Variants in NSUN6 observed in about 807,000 individuals in gnomAD.
NSUN6 encodes tRNA (cytosine(72)-C(5))-methyltransferase NSUN6.
NSUN6 carries 64 observed loss-of-function variants against 58.0 expected under a neutral mutation model. The observed-to-expected ratio is 1.10, with a 90% CI of 0.90 to 1.36. The LOEUF (loss-of-function observed/expected upper bound fraction) is 1.36, where lower values mean the gene tolerates loss of function less well. NSUN6 is among the 40% of genes most tolerant of loss of function. The probability of loss-of-function intolerance (pLI) is 0.00; values close to 1 mark genes in which losing one functional copy is unlikely to be tolerated. For missense variants in NSUN6, 701 were observed against 550.1 expected (o/e 1.27, Z -2.74); for synonymous variants, 231 against 193.9 (o/e 1.19, Z -1.59).
At chr10:18,643,923 G>T (rs866433515) in intron 2 of NSUN6, among the ~76,000 whole-genome samples, 1 of 152,092 alleles carries the variant, frequency 6.6e-6, no homozygotes, top group Non-Finnish European at 1.5e-5. Flanking sequence ...AACCACACAT[G>T]TACATACCCT....
chr10:18,574,087 A>G (rs1013296726), intron 8 of NSUN6, among the ~76,000 whole-genome samples: 10 of 152,034 alleles, frequency 6.6e-5, no homozygotes, highest in African/African-American at 2.4e-4. Context: ...TGGACAGTGG[A>G]GTAGCTTTAG....
At position 18,598,092 on chromosome 10, in the gene NSUN6, C is replaced by T. The variant is rs370247976; in HGVS notation, c.658-1765G>A. On this transcript the variant is annotated intron_variant, in intron 6 of 10. Coordinates refer to ENST00000377304, the MANE Select transcript of NSUN6 (RefSeq NM_182543.5). The stretch of plus-strand genomic sequence containing the variant: ...TTAGCTTTAACTGATGACATTCCAC[C>T]ATTGTGATTTGTTTCTGCCCCACTC... Among the ~76,000 whole-genome samples, 3 of 152,166 alleles carry T rather than the reference C, an allele frequency of 2.0e-5. No individual in the cohort carries two copies. In the East Asian group the frequency reaches 5.8e-4, roughly 29 times the overall value.
At chr10:18,635,011 A>G (rs552357434) in intron 3 of NSUN6, among the ~76,000 whole-genome samples, 7 of 152,294 alleles carry the variant, frequency 4.6e-5, no homozygotes, top group Non-Finnish European at 1.0e-4. Flanking sequence ...CACAATTCCT[A>G]AACTCTGTAC....
intron 2 of NSUN6, among the ~76,000 whole-genome samples, chr10:18,644,453 G>C (rs929717056): frequency 6.6e-6 from 1 of 151,238 alleles, no homozygotes; most frequent in Non-Finnish European, 1.5e-5. Flanking sequence ...CTACTGTGCT[G>C]CTTAGTTACC....
intron 3 of NSUN6, among the ~76,000 whole-genome samples, chr10:18,630,153 T>C (rs1322360436): frequency 6.6e-5 from 9 of 136,164 alleles, no homozygotes; most frequent in Non-Finnish European, 1.3e-4. Flanking sequence ...CCTGAATGAC[T>C]ACTGGGTACA....
chr10:18,646,962 T>C (rs1385473537), intron 2 of NSUN6, among the ~76,000 whole-genome samples: 1 of 152,210 alleles, frequency 6.6e-6, no homozygotes, highest in Non-Finnish European at 1.5e-5. Flanking sequence ...TTAGGGCAAC[T>C]ACTTATGTTT....
chr10:18,642,491 G>T lies in NSUN6; in HGVS notation c.296C>A (p.Pro99His). The T allele has an allele frequency of 6.6e-7, 1 of 1,526,144 alleles. No homozygotes were observed. Among genetic ancestry groups the T allele is most frequent in the Non-Finnish European group, 9.1e-7 (1 of 1,101,622 alleles). 94.5% of individuals were successfully genotyped at this position (1,526,144 alleles called of 1,614,324 possible). The change falls in exon 3 of 11, where the codon CCT becomes CAT. Residue 99 changes from proline (P) to histidine (H), a missense_variant. Coordinates refer to ENST00000377304, the MANE Select transcript of NSUN6 (RefSeq NM_182543.5). ...TCTTACAAACCTGGGTCCAATAACAGGAATAAGTAACACATCTTGAAGGTC... is the reference window on the plus strand; with the variant it reads ...TCTTACAAACCTGGGTCCAATAACATGAATAAGTAACACATCTTGAAGGTC... ...HPDLQDVLLI[P>H]VIGPRKNIKK...
chr10:18,651,100 A>G, intron 1 of NSUN6, 29 bp downstream of exon 1: 2 of 1,570,924 alleles, frequency 1.3e-6, no homozygotes, highest in Non-Finnish European at 1.7e-6. Context: ...TTTTTGCAAA[A>G]TATCAACTAA....
intron 8 of NSUN6, among the ~76,000 whole-genome samples, chr10:18,558,138 G>A (rs1250945797): frequency 4.0e-5 from 6 of 149,972 alleles, no homozygotes; most frequent in South Asian, 4.2e-4. Context: ...AATGGAATGC[G>A]AATAGAATGG....
chr10:18,608,865 C>T (rs2058131466), intron 6 of NSUN6, among the ~76,000 whole-genome samples: 1 of 152,042 alleles, frequency 6.6e-6, no homozygotes, highest in South Asian at 2.1e-4. Context: ...CGAAAATTCC[C>T]AAAATGATTC....
At chr10:18,651,023 G>T (rs1172255741) in intron 1 of NSUN6, 106 bp downstream of exon 1, 9 of 1,354,976 alleles carry the variant, frequency 6.6e-6, no homozygotes, top group Non-Finnish European at 9.0e-6. Flanking sequence ...AAGTAGTAAG[G>T]AACGACGGCT....
chr10:18,574,813 A>T (rs1159900127), intron 8 of NSUN6, among the ~76,000 whole-genome samples: 3 of 152,186 alleles, frequency 2.0e-5, no homozygotes, highest in African/African-American at 7.2e-5. Flanking sequence ...ACAAGGAGCT[A>T]ATCACCCGAG....
At position 18,616,263 on chromosome 10, in the gene NSUN6, G is replaced by T; in HGVS notation, c.342C>A (p.Ala114=). 1 of 1,609,952 alleles carries T rather than the reference G, an allele frequency of 6.2e-7. No individual in the cohort carries two copies. Among genetic ancestry groups the T allele is most frequent in the Non-Finnish European group, 8.5e-7 (1 of 1,176,286 alleles). ...CATTGCCACACTGGGCTCCAACAAT[G>T]GCTTCACACTGTTGTTTTTTAATAT... ...RKNIKKQQCE[A]IVGAQCGNAV... Residue 114 remains alanine (A), a synonymous_variant, in exon 4 of 11, where the codon GCC becomes GCA. Coordinates refer to ENST00000377304, the MANE Select transcript of NSUN6 (RefSeq NM_182543.5).
intron 8 of NSUN6, among the ~76,000 whole-genome samples, chr10:18,555,365 A>ATAGAG (rs1368539743): frequency 6.6e-6 from 1 of 151,724 alleles, no homozygotes; most frequent in Non-Finnish European, 1.5e-5. Context: ...GGAGAATGGA[A>ATAGAG]TGGAATGGAG....
intron 8 of NSUN6, among the ~76,000 whole-genome samples, chr10:18,575,886 A>G (rs1332693507): frequency 6.6e-6 from 1 of 152,222 alleles, no homozygotes; most frequent in Non-Finnish European, 1.5e-5. Context: ...CTAAAGGTCT[A>G]TTAGTACAGG....
chr10:18,600,978 GTATA>G (rs56983139), intron 6 of NSUN6, among the ~76,000 whole-genome samples: 41 of 77,022 alleles, frequency 5.3e-4, no homozygotes, highest in African/African-American at 1.7e-3. Context: ...ATATATATAT[GTATA>G]TATATATATA....
Position 18,651,400 on chromosome 10 carries a change from G to T in NSUN6, c.-197C>A. 1 of 1,286,986 alleles carries T rather than the reference G, an allele frequency of 7.8e-7. No homozygotes were observed. The highest frequency in any genetic ancestry group is 9.8e-7 in the Non-Finnish European group (1 of 1,019,478). 79.7% of individuals were successfully genotyped at this position (1,286,986 alleles called of 1,614,324 possible). A position where few individuals can be genotyped will look rare whatever the true frequency, so the allele number is the denominator to read the frequency against. On this transcript the variant is annotated 5_prime_UTR_variant, in exon 1 of 11. Transcript: ENST00000377304. ...CTAGCCGATTAGAAGGGGCTGCCGG[G>T]CTTCCACCACACCTCATCGAGGCAA... is the stretch of plus-strand genomic sequence containing the variant.
At chr10:18,641,060 T>A (rs2059377967) in intron 3 of NSUN6, among the ~76,000 whole-genome samples, 1 of 152,056 alleles carries the variant, frequency 6.6e-6, no homozygotes, top group East Asian at 1.9e-4. Flanking sequence ...TTATCCCAAG[T>A]ATAGCAATTT....
chr10:18,611,365 G>A (rs1411093258), intron 5 of NSUN6, among the ~76,000 whole-genome samples: 1 of 152,022 alleles, frequency 6.6e-6, no homozygotes, highest in Non-Finnish European at 1.5e-5. Context: ...AGTTGATCTT[G>A]GCAGACATGC....
Sources: gnomAD v4.1 joint callset for allele counts (sites outside exome capture counted in the v4.1 genomes callset) on GRCh38, gnomAD v4.1.1 for gene constraint, MANE v1.5 for transcripts, NCBI Gene and HGNC (gene_info 2026-07-23, HGNC 2026-07-21) for gene names.